The following AGXT2 variants were observed in gnomAD, a reference collection of about 807,000 sequenced individuals.
The protein encoded by AGXT2 is alanine--glyoxylate aminotransferase 2, also known as alanine--glyoxylate aminotransferase 2, mitochondrial.
AGXT2 carries 61 observed loss-of-function variants against 62.5 expected under a neutral mutation model. The ratio of observed to expected loss-of-function variants is 0.98; its 90% CI spans 0.79 to 1.21. The LOEUF is 1.21. AGXT2 is among the 50% of genes most tolerant of loss of function. The pLI, the probability that AGXT2 is intolerant of heterozygous loss-of-function variation, is 0.00. For missense variants in AGXT2, 666 were observed against 641.5 expected (o/e 1.04, Z -0.41); for synonymous variants, 243 against 218.7 (o/e 1.11, Z -0.98).
rs553895534 is a variant in AGXT2 at position 35,034,438 on chromosome 5, A to G, written c.581+784T>C. On this transcript the variant is annotated intron_variant, in intron 5 of 13. Coordinates refer to ENST00000231420, the MANE Select transcript of AGXT2 (RefSeq NM_031900.4). ...AATGTGCAGTATTGAATGTGCTGTC[A>G]TAAGGATTAAATAAAATCTTCTTTT... 1.7e-4 allele frequency among the ~76,000 whole-genome samples: 26 copies of G among 152,290 alleles called. 1 individual carries two copies. The South Asian group carries it at 5.2e-3, about 30-fold the overall frequency.
chr5:35,011,824 A>G (rs1296179203), intron 11 of AGXT2, among the ~76,000 whole-genome samples: 1 of 152,030 alleles, frequency 6.6e-6, no homozygotes, highest in East Asian at 1.9e-4. Context: ...CTGCACATAT[A>G]TGTTTATTGT....
chr5:35,017,387 C>G (rs1766882390), intron 9 of AGXT2, among the ~76,000 whole-genome samples: 1 of 152,144 alleles, frequency 6.6e-6, no homozygotes, highest in Non-Finnish European at 1.5e-5. Context: ...AATTGTAGCT[C>G]CCATAATTCC....
At chr5:35,014,145 G>A (rs767769193) in intron 9 of AGXT2, 26 bp from the exon 10 acceptor site, 7 of 1,613,698 alleles carry the variant, frequency 4.3e-6, no homozygotes, top group Non-Finnish European at 5.1e-6. Context: ...CAAAACCATT[G>A]GAAACCCTTC....
Position 35,003,974 on chromosome 5 carries a change from T to C in AGXT2, c.1339-113A>G, listed in dbSNP as rs1186573952. The C allele has an allele frequency of 7.9e-6, 7 of 887,844 alleles. No individual in the cohort carries two copies. The African/African-American group carries it at 1.0e-4, about 13-fold the overall frequency. The allele number at this position is 887,844 out of a possible 1,614,324, so 55.0% of individuals were successfully genotyped here. A position where few individuals can be genotyped will look rare whatever the true frequency, so the allele number is the denominator to read the frequency against. The stretch of plus-strand genomic sequence containing the variant: ...CAGCCATCAATGCCCCTCTTTTTTT[T>C]CTCTCTCCCTCTTTCTCTCTGTCCT... On this transcript the variant is annotated intron_variant, in intron 12 of 13. Coordinates refer to ENST00000231420, the MANE Select transcript of AGXT2 (RefSeq NM_031900.4).
chr5:35,010,408 G>C (rs557146914), intron 11 of AGXT2, among the ~76,000 whole-genome samples: 135 of 152,288 alleles, frequency 8.9e-4, no homozygotes, highest in Non-Finnish European at 1.5e-3. Context: ...GGCCAGGCAT[G>C]GTGGCTCACA....
At chr5:35,041,484 A>G (rs1304000938) in intron 1 of AGXT2, among the ~76,000 whole-genome samples, 2 of 152,110 alleles carry the variant, frequency 1.3e-5, no homozygotes, top group African/African-American at 4.8e-5. Flanking sequence ...TCATTCCTCA[A>G]CCATTTCCAC....
chr5:35,009,778 T>A (rs1766559282), intron 12 of AGXT2, among the ~76,000 whole-genome samples: 1 of 152,224 alleles, frequency 6.6e-6, no homozygotes, highest in Non-Finnish European at 1.5e-5. Context: ...ATAATGTTGG[T>A]TTCTTTTCCC....
intron 13 of AGXT2, among the ~76,000 whole-genome samples, chr5:35,000,223 C>T (rs1287785166): frequency 7.4e-6 from 1 of 134,286 alleles, no homozygotes; most frequent in Non-Finnish European, 1.6e-5. Context: ...CTGGCCTTCT[C>T]TGCACTTGAC....
chr5:35,008,368 T>C (rs922970862), intron 12 of AGXT2, among the ~76,000 whole-genome samples: 6 of 152,188 alleles, frequency 3.9e-5, no homozygotes, highest in Admixed American at 3.3e-4. Flanking sequence ...ACACAGAGGT[T>C]GGGTTCAGAA....
At chr5:35,028,287 A>G (rs1767435439) in intron 7 of AGXT2, among the ~76,000 whole-genome samples, 1 of 152,156 alleles carries the variant, frequency 6.6e-6, no homozygotes, top group Non-Finnish European at 1.5e-5. Context: ...AACCCAGGCT[A>G]TCATGTTACC....
chr5:35,007,708 C>A (rs1202628186), intron 12 of AGXT2, among the ~76,000 whole-genome samples: 1 of 152,038 alleles, frequency 6.6e-6, no homozygotes, highest in Non-Finnish European at 1.5e-5. Flanking sequence ...GAAAAAGAGC[C>A]CCTTCTATAG....
chr5:35,042,891 T>C (rs1768040674), intron 1 of AGXT2, among the ~76,000 whole-genome samples: 1 of 152,190 alleles, frequency 6.6e-6, no homozygotes, highest in Non-Finnish European at 1.5e-5. Context: ...ACTAATCGGA[T>C]AGTGCCTTTT....
Position 35,014,070 on chromosome 5 carries a change from G to A in AGXT2, c.1013C>T (p.Thr338Ile). 4 of 1,614,118 alleles carry A rather than the reference G, an allele frequency of 2.5e-6. No individual in the cohort carries two copies. The highest frequency in any genetic ancestry group is 1.3e-5 in the African/African-American group (1 of 75,032). The change falls in exon 10 of 14, where the codon ACC (threonine) becomes ATC (isoleucine). Residue 338 changes from threonine (T) to isoleucine (I), a missense_variant. Physicochemically the swap from Thr to Ile is moderately conservative, Grantham distance 89 (BLOSUM62 -1). Transcript: ENST00000231420. ...GACAATGTCAGGCAGGACATCGTGG[G>A]TTTGGAAGCCCCAGAAGTGAGAGCC... ...RLGSHFWGFQTHDVLPDIVTM... is the reference protein window; with the variant it reads ...RLGSHFWGFQIHDVLPDIVTM...
At chr5:35,021,870 T>C (rs1318083822) in intron 9 of AGXT2, among the ~76,000 whole-genome samples, 2 of 152,080 alleles carry the variant, frequency 1.3e-5, no homozygotes, top group Admixed American at 1.3e-4. Flanking sequence ...CTCTAACAAA[T>C]TTACAAGAAA....
In AGXT2 at chr5:35,032,764, A is replaced by C; in HGVS notation, c.737T>G (p.Val246Gly). 2.5e-6 allele frequency: 4 copies of C among 1,609,772 alleles called. No individual in the cohort carries two copies. The highest frequency in any genetic ancestry group is 3.4e-6 in the Non-Finnish European group (4 of 1,177,988). ...WGGSHCRDSP[V>G]QTIRKCSCAP... The stretch of plus-strand genomic sequence containing the variant: ...ACAGCTGCACTTCCTGATTGTTTGC[A>C]CTGGAGAATCTCGACAGTGGCTTCC... The change falls in exon 7 of 14, where the codon GTG (valine) becomes GGG (glycine). Residue 246 changes from valine to glycine, a missense_variant. Transcript: ENST00000231420.
At chr5:35,021,077 T>C in intron 9 of AGXT2, among the ~76,000 whole-genome samples, 1 of 152,024 alleles carries the variant, frequency 6.6e-6, no homozygotes, top group Admixed American at 6.6e-5. Flanking sequence ...TAAAAGAAGA[T>C]ACAAACAAAT....
Position 35,026,796 on chromosome 5 carries a change from T to A in AGXT2, c.770-286A>T, listed in dbSNP as rs945618479. 3.2e-5 allele frequency: 31 copies of A among 964,288 alleles called. No homozygotes were observed. The African/African-American group carries it at 5.3e-4, about 16-fold the overall frequency. 59.7% of individuals were successfully genotyped at this position (964,288 alleles called of 1,614,324 possible). On this transcript the variant is annotated intron_variant, in intron 7 of 13. Coordinates refer to ENST00000231420, the MANE Select transcript of AGXT2 (RefSeq NM_031900.4). ...CATCTGGGGAAGAAACGTCCCAAAGTGTCATTGAGCTGGTATAGATAGCTG... is the reference window on the plus strand; with the variant it reads ...CATCTGGGGAAGAAACGTCCCAAAGAGTCATTGAGCTGGTATAGATAGCTG...
chr5:35,003,578 C>CTTT (rs11426533), intron 13 of AGXT2, among the ~76,000 whole-genome samples, 185 bp downstream of exon 13: 1 of 145,312 alleles, frequency 6.9e-6, no homozygotes. Context: ...CTGTCTCCGC[C>CTTT]TTTTTTTTTT....
At chr5:35,000,463 C>CT (rs1225755742) in intron 13 of AGXT2, among the ~76,000 whole-genome samples, 3 of 152,212 alleles carry the variant, frequency 2.0e-5, no homozygotes, top group Admixed American at 6.5e-5. Flanking sequence ...TCACTGCAAC[C>CT]TCCGCCTCCC....
Sources: allele counts gnomAD v4.1 joint callset (sites outside exome capture counted in the v4.1 genomes callset), GRCh38; gene constraint gnomAD v4.1.1; transcripts MANE v1.5; gene names NCBI Gene and HGNC (gene_info 2026-07-23, HGNC 2026-07-21).